DENND1A: variants seen among roughly 807,000 people sequenced by gnomAD.
DENND1A encodes DENN domain-containing protein 1A.
In DENND1A, 51 loss-of-function variants were observed where a neutral mutation model predicts 113.7. The ratio of observed to expected loss-of-function variants is 0.45; its 90% confidence interval spans 0.36 to 0.57. The LOEUF is 0.57. Among genes scored for constraint, DENND1A ranks in the 20% least tolerant of loss-of-function variants. The pLI, the probability that DENND1A is intolerant of heterozygous loss-of-function variation, is 0.00. For missense variants in DENND1A, 1,258 were observed against 1,395.9 expected (o/e 0.90, Z 1.57); for synonymous variants, 565 against 570.8 (o/e 0.99, Z 0.14).
chr9:123,883,383 A>C (rs1848581436), intron 1 of DENND1A, among the ~76,000 whole-genome samples: 1 of 152,206 alleles, frequency 6.6e-6, no homozygotes, highest in South Asian at 2.1e-4. Context: ...TGAGGTCTAA[A>C]AGATTTCAAT....
At chr9:123,882,594 G>C (rs938488728) in intron 1 of DENND1A, among the ~76,000 whole-genome samples, 1 of 152,056 alleles carries the variant, frequency 6.6e-6, no homozygotes, top group Non-Finnish European at 1.5e-5. Context: ...ATATCACCTC[G>C]ATTACTGCAG....
intron 21 of DENND1A, among the ~76,000 whole-genome samples, chr9:123,389,146 G>A (rs969884267): frequency 2.0e-5 from 3 of 152,270 alleles, no homozygotes; most frequent in East Asian, 1.9e-4. Context: ...CAGTGGCTGC[G>A]CAGGGGGACG....
At position 123,411,089 on chromosome 9, in the gene DENND1A, GT is replaced by G. The variant is rs764001499; in HGVS notation, c.1542+686del. On this transcript the variant is annotated intron_variant, in intron 20 of 23. Coordinates refer to ENST00000394215, the MANE Select transcript of DENND1A (RefSeq NM_001352964.2). ...TGTCCTGCTTCTCCATCCTTACTTG[GT>G]TTTTTTTTTTTTTTCTTTTAAGAGA... Among the ~76,000 whole-genome samples, 1,187 of 141,030 alleles carry G rather than the reference GT, an allele frequency of 8.4e-3. 13 individuals carry two copies. The highest frequency in any genetic ancestry group is 0.022 in the African/African-American group (833 of 38,628). The allele number at this position is 141,030 out of a possible 152,430, so 92.5% of individuals were successfully genotyped here.
intron 13 of DENND1A, among the ~76,000 whole-genome samples, chr9:123,488,501 T>C (rs566538908): frequency 2.5e-4 from 38 of 152,370 alleles, no homozygotes; most frequent in African/African-American, 8.7e-4. Flanking sequence ...CATGAAATCA[T>C]TCTCTTCTTG....
chr9:123,524,521 A>T (rs747028991), intron 13 of DENND1A, among the ~76,000 whole-genome samples: 2 of 152,222 alleles, frequency 1.3e-5, no homozygotes, highest in Non-Finnish European at 1.5e-5. Flanking sequence ...CCTGTCTCCA[A>T]ATATTTAGAA....
chr9:123,872,586 T>C (rs1409775612), intron 2 of DENND1A, among the ~76,000 whole-genome samples: 4 of 152,188 alleles, frequency 2.6e-5, no homozygotes, highest in Admixed American at 1.3e-4. Flanking sequence ...AGTTATTGAG[T>C]GATAATTTTT....
At chr9:123,627,400 T>C (rs973270817) in intron 10 of DENND1A, among the ~76,000 whole-genome samples, 3 of 152,190 alleles carry the variant, frequency 2.0e-5, no homozygotes, top group Middle Eastern at 3.2e-3. Context: ...CAGCACTTAG[T>C]GCAGTGCCTA....
intron 7 of DENND1A, 134 bp from the exon 8 acceptor site, chr9:123,667,213 A>G: frequency 1.2e-6 from 1 of 831,082 alleles, no homozygotes; most frequent in Non-Finnish European, 1.9e-6. Flanking sequence ...AGAAACACCC[A>G]TGGAATATTT....
intron 10 of DENND1A, among the ~76,000 whole-genome samples, chr9:123,621,704 C>G (rs550165999): frequency 3.3e-5 from 5 of 152,110 alleles, no homozygotes; most frequent in African/African-American, 9.7e-5. Context: ...CTGCTTCCGC[C>G]GCACCACACT....
chr9:123,560,502 C>T (rs2057684738), intron 12 of DENND1A, among the ~76,000 whole-genome samples: 1 of 152,060 alleles, frequency 6.6e-6, no homozygotes, highest in Non-Finnish European at 1.5e-5. Flanking sequence ...GCCTGGGCAA[C>T]ACAGTGAGAT....
At chr9:123,894,623 A>C (rs1850433155) in intron 1 of DENND1A, among the ~76,000 whole-genome samples, 1 of 152,230 alleles carries the variant, frequency 6.6e-6, no homozygotes, top group Non-Finnish European at 1.5e-5. Flanking sequence ...GCAAAATGAG[A>C]AAAACGGGGA....
intron 13 of DENND1A, among the ~76,000 whole-genome samples, chr9:123,476,889 T>C (rs1255932777): frequency 6.6e-6 from 1 of 152,184 alleles, no homozygotes; most frequent in Admixed American, 6.5e-5. Flanking sequence ...CTTGGTTCCG[T>C]GCCTGACCCA....
At chr9:123,424,853 G>A (rs1422075842) in intron 19 of DENND1A, among the ~76,000 whole-genome samples, 1 of 152,192 alleles carries the variant, frequency 6.6e-6, no homozygotes, top group Non-Finnish European at 1.5e-5. Flanking sequence ...AGACACAGGA[G>A]GTCTACATTG....
intron 9 of DENND1A, among the ~76,000 whole-genome samples, chr9:123,647,072 A>G (rs1170815598): frequency 6.6e-6 from 1 of 152,188 alleles, no homozygotes; most frequent in Non-Finnish European, 1.5e-5. Context: ...GGCAATGTTG[A>G]TTCTTAATCT....
chr9:123,762,307 T>C (rs1371174635), intron 4 of DENND1A, among the ~76,000 whole-genome samples: 2 of 152,234 alleles, frequency 1.3e-5, no homozygotes, highest in Non-Finnish European at 2.9e-5. Flanking sequence ...GTGCTTCTTG[T>C]AGCTTCCCGT....
chr9:123,549,084 A>AT (rs1182305852), intron 13 of DENND1A, among the ~76,000 whole-genome samples: 4 of 151,974 alleles, frequency 2.6e-5, no homozygotes, highest in Non-Finnish European at 5.9e-5. Flanking sequence ...TATTTTTTAC[A>AT]TTTTTTTTCC....
At chr9:123,872,233 T>C (rs1193453066) in intron 2 of DENND1A, among the ~76,000 whole-genome samples, 1 of 152,144 alleles carries the variant, frequency 6.6e-6, no homozygotes, top group African/African-American at 2.4e-5. Context: ...CAAAATGATA[T>C]GACTTTTTTT....
At chr9:123,911,443 T>C (rs2134023425) in intron 1 of DENND1A, among the ~76,000 whole-genome samples, 1 of 152,368 alleles carries the variant, frequency 6.6e-6, no homozygotes, top group Non-Finnish European at 1.5e-5. Flanking sequence ...AGGAACACTT[T>C]TGTTAACTGT....
chr9:123,553,819 A>G (rs2057268205), intron 13 of DENND1A, among the ~76,000 whole-genome samples: 1 of 152,082 alleles, frequency 6.6e-6, no homozygotes, highest in Non-Finnish European at 1.5e-5. Flanking sequence ...GTACAGTGGC[A>G]CAATCTTGGC....
Sources: gnomAD v4.1 joint callset for allele counts (sites outside exome capture counted in the v4.1 genomes callset) on GRCh38, gnomAD v4.1.1 for gene constraint, MANE v1.5 for transcripts, NCBI Gene and HGNC (gene_info 2026-07-23, HGNC 2026-07-21) for gene names.